SPNS2: variants seen among roughly 807,000 people sequenced by gnomAD.
The protein encoded by SPNS2 is sphingosine-1-phosphate transporter SPNS2.
Under a neutral mutation model 57.6 loss-of-function variants are expected in SPNS2, and 37 were observed. That is an observed-to-expected ratio of 0.64 (90% CI 0.49 to 0.85). The LOEUF is 0.85. Among genes scored for constraint, SPNS2 ranks in the 40% least tolerant of loss-of-function variants. The pLI is 0.00. For synonymous variants in SPNS2, 440 were observed against 346.9 expected, an observed-to-expected ratio of 1.27 and a Z score of -2.98; for missense variants, 831 against 779.1, an observed-to-expected ratio of 1.07 and a Z score of -0.79.
In SPNS2 at chr17:4,502,521, G is replaced by A. The variant is rs182763201; in HGVS notation, c.370+3104G>A. On this transcript the variant is annotated intron_variant, in intron 1 of 12. Transcript: ENST00000329078. ...ACATGTCAATATCACGGTGGCCAGGGGCCACTAGAGTGGACAGTGCAGGTC... is the reference window on the plus strand; with the variant it reads ...ACATGTCAATATCACGGTGGCCAGGAGCCACTAGAGTGGACAGTGCAGGTC... Among the ~76,000 whole-genome samples the A allele has an allele frequency of 3.4e-3, 519 of 152,302 alleles. 2 individuals carry two copies. The highest frequency in any genetic ancestry group is 0.012 in the African/African-American group (493 of 41,556).
At chr17:4,509,051 G>C (rs955812325) in intron 1 of SPNS2, among the ~76,000 whole-genome samples, 1 of 152,200 alleles carries the variant, frequency 6.6e-6, no homozygotes, top group Non-Finnish European at 1.5e-5. Context: ...GAATCACCGG[G>C]GCCCATTCAT....
chr17:4,538,472 G>A lies in SPNS2; in HGVS notation c.*1024G>A, dbSNP rs574084663. 2 of 23,182 alleles carry A rather than the reference G, an allele frequency of 8.6e-5. No homozygotes were observed. The highest frequency in any genetic ancestry group is 9.5e-4 in the South Asian group (1 of 1,048). 1.4% of individuals were successfully genotyped at this position (23,182 alleles called of 1,614,324 possible). A position where few individuals can be genotyped will look rare whatever the true frequency, so the allele number is the denominator to read the frequency against. On this transcript the variant is annotated 3_prime_UTR_variant, in exon 13 of 13. Coordinates refer to ENST00000329078, the MANE Select transcript of SPNS2 (RefSeq NM_001124758.3). ...CTGGCATTCCACCAAGTGACCCCAG[G>A]GGGGGGCCAGGCCTTCGATCACCCA...
chr17:4,499,272 C>T lies in SPNS2; in HGVS notation c.225C>T (p.Pro75=), dbSNP rs1055939735. Residue 75 remains proline, a synonymous_variant, in exon 1 of 13, where the codon CCC becomes CCT. Coordinates refer to ENST00000329078, the MANE Select transcript of SPNS2 (RefSeq NM_001124758.3). This position sits in a 1 kb window ranked among gnomAD's most constrained non-coding sequence, Gnocchi z 5.2. Reference sequence around the variant, plus strand: ...CCCCGACCGGACCCCCCGGCACCCCCGGCACCCCCGGCTGCGCAGCTACTG... The same window carrying T: ...CCCCGACCGGACCCCCCGGCACCCCTGGCACCCCCGGCTGCGCAGCTACTG... ...RRAPTGPPGT[P]GTPGCAATAK... 39 of 1,487,094 alleles carry T rather than the reference C, an allele frequency of 2.6e-5. No homozygotes were observed. The highest frequency in any genetic ancestry group is 1.3e-4 in the African/African-American group (9 of 68,480). 92.1% of individuals were successfully genotyped at this position (1,487,094 alleles called of 1,614,324 possible).
Position 4,536,437 on chromosome 17 carries a change from G to GA in SPNS2, c.1607+11_1607+12insA, listed in dbSNP as rs1555538187. 4 of 1,557,462 alleles carry GA rather than the reference G, an allele frequency of 2.6e-6. No homozygotes were observed. The highest frequency in any genetic ancestry group is 3.5e-6 in the Non-Finnish European group (4 of 1,156,816). The stretch of plus-strand genomic sequence containing the variant: ...CAGGGCTGAGCAGCAGTGAGTGGGG[G>GA]GGAGGGGAGGCCCTGCTGCACCGCC... On this transcript the variant is annotated intron_variant, in intron 11 of 12. Transcript: ENST00000329078.
chr17:4,517,642 C>A (rs1479176247), intron 2 of SPNS2, among the ~76,000 whole-genome samples: 1 of 152,004 alleles, frequency 6.6e-6, no homozygotes, highest in Non-Finnish European at 1.5e-5. Context: ...GGTAACAAGA[C>A]CAAGACTCCG....
At position 4,532,606 on chromosome 17, in the gene SPNS2, G is replaced by C. The variant is rs1317577364; in HGVS notation, c.857G>C (p.Arg286Thr). 6.2e-7 allele frequency: 1 copy of C among 1,613,316 alleles called. No individual in the cohort carries two copies. The highest frequency in any genetic ancestry group is 1.3e-5 in the African/African-American group (1 of 74,934). ...LILILVPATK[R>T]GHADQLGDQL... ...CTCATTCTGGTCCCAGCCACTAAAAGGGGTCATGCCGACCAGCTCGGGGAC... is the reference window on the plus strand; with the variant it reads ...CTCATTCTGGTCCCAGCCACTAAAACGGGTCATGCCGACCAGCTCGGGGAC... The change falls in exon 6 of 13, where the codon AGG becomes ACG. Residue 286 changes from arginine (R) to threonine (T), a missense_variant. By Grantham distance (71) the Arg-to-Thr change is moderately conservative. This residue lies in a region of SPNS2 where 526 missense variants were observed against 400.9 expected (regional missense o/e 1.31). Coordinates refer to ENST00000329078, the MANE Select transcript of SPNS2 (RefSeq NM_001124758.3).
At chr17:4,536,570 C>T (rs1905823039) in intron 11 of SPNS2, 144 bp downstream of exon 11, 1 of 1,067,954 alleles carries the variant, frequency 9.4e-7, no homozygotes, top group African/African-American at 1.6e-5. Context: ...GGGGTCCAGC[C>T]CTGAGGCCCA....
Position 4,536,368 on chromosome 17 carries a change from ATGTTCT to A in SPNS2, c.1551_1556del (p.Met517_Phe519delinsIle). ...CCCTTTCGTCGTGGTCCTGGGCGGC[ATGTTCT>A]TCCTCGCCACTGCGCTCTTCTTCGT... On this transcript the variant is annotated inframe_deletion, in exon 11 of 13. Coordinates refer to ENST00000329078, the MANE Select transcript of SPNS2 (RefSeq NM_001124758.3). 1 of 1,609,408 alleles carries A rather than the reference ATGTTCT, an allele frequency of 6.2e-7. No homozygotes were observed. Among genetic ancestry groups the A allele is most frequent in the Non-Finnish European group, 8.5e-7 (1 of 1,179,778 alleles).
rs1307965054 is a variant in SPNS2, at chr17:4,512,791, G to A, written c.371-456G>A. On this transcript the variant is annotated intron_variant, in intron 1 of 12. Coordinates refer to ENST00000329078, the MANE Select transcript of SPNS2 (RefSeq NM_001124758.3). The surrounding 1 kb of genome is among the most constrained non-coding windows in gnomAD (Gnocchi z 5.2). ...GCGAATGTGGTTGTGCACATGTGCA[G>A]GTGAACCAGAGTGAGCGGCTGCCCC... Among the ~76,000 whole-genome samples the A allele has an allele frequency of 6.6e-6, 1 of 152,090 alleles. No homozygotes were observed. Among genetic ancestry groups the A allele is most frequent in the Non-Finnish European group, 1.5e-5 (1 of 67,976 alleles).
intron 8 of SPNS2, 160 bp downstream of exon 8, chr17:4,533,592 C>A (rs1905607644): frequency 4.0e-6 from 4 of 1,010,356 alleles, no homozygotes; most frequent in Non-Finnish European, 2.9e-6. Context: ...CCACACACAG[C>A]CTGTCCAGGG....
At chr17:4,503,023 C>G (rs1042944513) in intron 1 of SPNS2, among the ~76,000 whole-genome samples, 8 of 152,252 alleles carry the variant, frequency 5.3e-5, no homozygotes, top group Admixed American at 2.6e-4. Context: ...CCTGTGCTTG[C>G]TCTTCTTACC....
chr17:4,510,522 G>T lies in SPNS2; in HGVS notation c.371-2725G>T, dbSNP rs1904802618. On this transcript the variant is annotated intron_variant, in intron 1 of 12. Coordinates refer to ENST00000329078, the MANE Select transcript of SPNS2 (RefSeq NM_001124758.3). The surrounding 1 kb of genome is among the most constrained non-coding windows in gnomAD (Gnocchi z 4.4). ...GCCGCTGGATAGCTGGATACTGCAG[G>T]GAGGAAGCGAGAGTGCTTTGATTTG... is the stretch of plus-strand genomic sequence containing the variant. 6.6e-6 allele frequency among the ~76,000 whole-genome samples: 1 copy of T among 152,178 alleles called. No homozygotes were observed. The highest frequency in any genetic ancestry group is 2.4e-5 in the African/African-American group (1 of 41,434).
At position 4,532,575 on chromosome 17, in the gene SPNS2, C is replaced by G. The variant is rs760457057; in HGVS notation, c.826C>G (p.Leu276Val). ...TGTCCTGGGCATGATCACAGGAACACTCATCCTCATTCTGGTCCCAGCCAC... is the reference window on the plus strand; with the variant it reads ...TGTCCTGGGCATGATCACAGGAACAGTCATCCTCATTCTGGTCCCAGCCAC... Reference protein sequence around the residue: ...SPVLGMITGTLILILVPATKR... With the variant: ...SPVLGMITGTVILILVPATKR... Residue 276 changes from leucine to valine, a missense_variant, in exon 6 of 13, where the codon CTC becomes GTC. Leu to Val is a conservative substitution (Grantham distance 32). Around this residue, in one of 2 missense-constraint regions of SPNS2, gnomAD observed 526 missense variants for 400.9 expected, o/e 1.31. Transcript: ENST00000329078. 2.5e-6 allele frequency: 4 copies of G among 1,614,142 alleles called. No individual in the cohort carries two copies. In the East Asian group the frequency reaches 8.9e-5, roughly 36 times the overall value.
At chr17:4,518,552 A>T (rs1449843572) in intron 2 of SPNS2, among the ~76,000 whole-genome samples, 2 of 152,258 alleles carry the variant, frequency 1.3e-5, no homozygotes, top group East Asian at 3.9e-4. Flanking sequence ...ACAAACAAAA[A>T]AGATGTGTGT....
chr17:4,530,992 G>A (rs1203234875), intron 4 of SPNS2, 61 bp from the exon 5 acceptor site: 18 of 1,587,728 alleles, frequency 1.1e-5, no homozygotes, highest in East Asian at 6.8e-5. Flanking sequence ...GCAGACCAGC[G>A]GGCACTCCCT....
Position 4,538,953 on chromosome 17 carries a change from C to G in SPNS2, c.*1505C>G, listed in dbSNP as rs781766107. 1 of 785,250 alleles carries G rather than the reference C, an allele frequency of 1.3e-6. No homozygotes were observed. Among genetic ancestry groups the G allele is most frequent in the Non-Finnish European group, 2.4e-6 (1 of 421,928 alleles). 48.6% of individuals were successfully genotyped at this position (785,250 alleles called of 1,614,324 possible). ...CAAACTGCTCCTTTATTTTTTAGAG[C>G]TGCTGATTGTGAATCTCAGAGTCTT... On this transcript the variant is annotated 3_prime_UTR_variant, in exon 13 of 13. Coordinates refer to ENST00000329078, the MANE Select transcript of SPNS2 (RefSeq NM_001124758.3).
At chr17:4,513,083 G>A (rs1904887334) in intron 1 of SPNS2, among the ~76,000 whole-genome samples, 164 bp from the exon 2 acceptor site, 1 of 152,240 alleles carries the variant, frequency 6.6e-6, no homozygotes, top group African/African-American at 2.4e-5. Context: ...CGGGGAGGCA[G>A]GAGGGAAGCC....
At chr17:4,500,770 G>T (rs150331269) in intron 1 of SPNS2, among the ~76,000 whole-genome samples, 84 of 152,218 alleles carry the variant, frequency 5.5e-4, no homozygotes, top group African/African-American at 1.8e-3. Context: ...TGGAAGGGAA[G>T]AATTCTGATG....
At chr17:4,537,062 A>G (rs920998380) in intron 12 of SPNS2, 116 bp downstream of exon 12, 1 of 1,120,692 alleles carries the variant, frequency 8.9e-7, no homozygotes, top group African/African-American at 1.6e-5. Context: ...CATCCCACCA[A>G]CTCTGGGCTT....
Sources: gnomAD v4.1 joint callset for allele counts (sites outside exome capture counted in the v4.1 genomes callset) on GRCh38, gnomAD v4.1.1 for gene constraint, gnomAD v4.1.1 regional missense constraint, Gnocchi (gnomAD v3.1) non-coding constraint, MANE v1.5 for transcripts, NCBI Gene and HGNC (gene_info 2026-07-23, HGNC 2026-07-21) for gene names.